DNER: variants seen among roughly 807,000 people sequenced by gnomAD.
DNER encodes the protein delta/notch like EGF repeat containing, also known as delta and Notch-like epidermal growth factor-related receptor.
Under a neutral mutation model 78.2 loss-of-function variants are expected in DNER, and 33 were observed. The ratio of observed to expected loss-of-function variants is 0.42; its 90% CI spans 0.32 to 0.56. The LOEUF is 0.56. Among genes scored for constraint, DNER ranks in the 20% least tolerant of loss-of-function variants. The pLI is 0.11. For missense variants in DNER, 918 were observed against 975.3 expected (o/e 0.94, Z 0.78); for synonymous variants, 417 against 384.8 (o/e 1.08, Z -0.98).
At chr2:229,453,346 G>A (rs720916) in intron 7 of DNER, among the ~76,000 whole-genome samples, 43,790 of 131,726 alleles carry the variant, frequency 0.33, 6,646 homozygotes, top group South Asian at 0.49. Flanking sequence ...GAGGCTGCTA[G>A]GGGAGGGTTA....
chr2:229,537,445 G>A (rs528992851), intron 5 of DNER, among the ~76,000 whole-genome samples: 2 of 152,228 alleles, frequency 1.3e-5, no homozygotes, highest in African/African-American at 4.8e-5. Context: ...CTTCATTCTT[G>A]TCCTACCTTT....
chr2:229,474,079 T>C (rs549457381), intron 7 of DNER, among the ~76,000 whole-genome samples: 1 of 152,276 alleles, frequency 6.6e-6, no homozygotes, highest in South Asian at 2.1e-4. Context: ...CTAAATTTTA[T>C]ATTTTTAGTA....
chr2:229,637,306 A>G (rs1698546155), intron 1 of DNER, among the ~76,000 whole-genome samples: 2 of 152,204 alleles, frequency 1.3e-5, no homozygotes, highest in Non-Finnish European at 2.9e-5. Context: ...ATTTTGTTTG[A>G]CAATTAACTA....
At chr2:229,674,480 T>C (rs923695956) in intron 1 of DNER, among the ~76,000 whole-genome samples, 1 of 152,210 alleles carries the variant, frequency 6.6e-6, no homozygotes, top group Non-Finnish European at 1.5e-5. Context: ...GGTTTCACCA[T>C]GTTGACCAGG....
intron 6 of DNER, among the ~76,000 whole-genome samples, chr2:229,502,683 A>G (rs955847021): frequency 6.6e-6 from 1 of 152,238 alleles, no homozygotes; most frequent in Non-Finnish European, 1.5e-5. Flanking sequence ...GATGGTTATC[A>G]TTTCTTCAGA....
At chr2:229,365,361 T>A (rs1275536862) in intron 12 of DNER, among the ~76,000 whole-genome samples, 1 of 152,126 alleles carries the variant, frequency 6.6e-6, no homozygotes, top group Admixed American at 6.5e-5. Context: ...AAGTCCTTGA[T>A]GGAAACAAGA....
chr2:229,620,813 G>A (rs1698240455), intron 1 of DNER, among the ~76,000 whole-genome samples: 1 of 152,172 alleles, frequency 6.6e-6, no homozygotes, highest in Admixed American at 6.5e-5. Context: ...TTAGGGTGGG[G>A]TCCTGGTCCA....
intron 11 of DNER, among the ~76,000 whole-genome samples, chr2:229,385,655 A>G (rs1445408946): frequency 6.6e-6 from 1 of 152,212 alleles, no homozygotes; most frequent in Non-Finnish European, 1.5e-5. Context: ...TGCAAAAATC[A>G]CAAGCTTTCC....
At chr2:229,504,175 A>G (rs1695686133) in intron 6 of DNER, among the ~76,000 whole-genome samples, 1 of 152,152 alleles carries the variant, frequency 6.6e-6, no homozygotes, top group African/African-American at 2.4e-5. Context: ...TGCCCTGTGT[A>G]TCTCTTCATC....
intron 5 of DNER, among the ~76,000 whole-genome samples, chr2:229,517,809 C>T (rs778195444): frequency 1.1e-4 from 17 of 152,132 alleles, no homozygotes; most frequent in Non-Finnish European, 2.5e-4. Context: ...CACCTTACAA[C>T]GAACACGGCA....
intron 4 of DNER, among the ~76,000 whole-genome samples, chr2:229,548,902 A>G (rs561516151): frequency 6.6e-6 from 1 of 152,332 alleles, no homozygotes; most frequent in Admixed American, 6.5e-5. Context: ...ATTTTAAATT[A>G]TATGTACATA....
At chr2:229,410,809 A>C (rs1693495758) in intron 9 of DNER, among the ~76,000 whole-genome samples, 1 of 152,250 alleles carries the variant, frequency 6.6e-6, no homozygotes, top group Admixed American at 6.5e-5. Context: ...ATTTAGTTAC[A>C]ATTAATATTT....
intron 9 of DNER, among the ~76,000 whole-genome samples, chr2:229,410,783 T>C (rs967051752): frequency 6.6e-6 from 1 of 152,246 alleles, no homozygotes; most frequent in African/African-American, 2.4e-5. Flanking sequence ...ATTATAAGTC[T>C]TTGTTGTTGT....
chr2:229,714,542 C>A lies in DNER; in HGVS notation c.-119G>T, dbSNP rs1000077499. 1.9e-6 allele frequency: 2 copies of A among 1,028,368 alleles called. No homozygotes were observed. Among genetic ancestry groups the A allele is most frequent in the African/African-American group, 3.5e-5 (2 of 57,844 alleles). The allele number at this position is 1,028,368 out of a possible 1,614,324, so 63.7% of individuals were successfully genotyped here. ...GCTAGGGCTGCTCCGCCGGGCCGGG[C>A]GCCTCCTGCAGCTGCGGGATCCGCG... On this transcript the variant is annotated 5_prime_UTR_variant, in exon 1 of 13. Coordinates refer to ENST00000341772, the MANE Select transcript of DNER (RefSeq NM_139072.4).
chr2:229,564,620 T>C (rs1480567292), intron 4 of DNER, among the ~76,000 whole-genome samples: 2 of 142,132 alleles, frequency 1.4e-5, no homozygotes, highest in African/African-American at 5.4e-5. Flanking sequence ...CACATCACCA[T>C]CATCATCCTC....
At chr2:229,392,176 T>C (rs1693030162) in intron 10 of DNER, among the ~76,000 whole-genome samples, 1 of 151,878 alleles carries the variant, frequency 6.6e-6, no homozygotes, top group Admixed American at 6.6e-5. Flanking sequence ...ATAAAGTGAG[T>C]TTTAAAAATT....
At chr2:229,393,084 A>C (rs376132912) in intron 10 of DNER, among the ~76,000 whole-genome samples, 1 of 152,156 alleles carries the variant, frequency 6.6e-6, no homozygotes, top group African/African-American at 2.4e-5. Flanking sequence ...AACAAGCCCA[A>C]TGGAACTTTT....
chr2:229,414,900 T>C (rs2216532), intron 9 of DNER, among the ~76,000 whole-genome samples: 104,847 of 152,142 alleles, frequency 0.69, 38,191 homozygotes, highest in Non-Finnish European at 0.82. Context: ...CAGTGGCTCA[T>C]GTCTGCAATC....
At chr2:229,620,291 C>G (rs1698231898) in intron 1 of DNER, among the ~76,000 whole-genome samples, 1 of 152,206 alleles carries the variant, frequency 6.6e-6, no homozygotes, top group Non-Finnish European at 1.5e-5. Context: ...ACAGAAAGGG[C>G]TGAGCAAAAC....
Sources: gnomAD v4.1 joint callset for allele counts (sites outside exome capture counted in the v4.1 genomes callset) on GRCh38, gnomAD v4.1.1 for gene constraint, MANE v1.5 for transcripts, NCBI Gene and HGNC (gene_info 2026-07-23, HGNC 2026-07-21) for gene names.